The following FGFR3 variants were observed in gnomAD, a reference collection of about 807,000 sequenced individuals.
FGFR3 encodes FGFR-3.
Under a neutral mutation model 82.9 loss-of-function variants are expected in FGFR3, and 25 were observed. The observed-to-expected ratio is 0.30, with a 90% confidence interval of 0.22 to 0.42. The LOEUF (loss-of-function observed/expected upper bound fraction) is 0.42, where lower values mean the gene tolerates loss of function less well. Ranked by LOEUF, FGFR3 falls within the 10% of genes least tolerant of loss-of-function variation. The probability of loss-of-function intolerance (pLI) is 1.00; values close to 1 mark genes in which losing one functional copy is unlikely to be tolerated. For synonymous variants in FGFR3, 620 were observed against 516.0 expected (o/e 1.20, Z -2.73); for missense variants, 1,026 against 1,161.0 (o/e 0.88, Z 1.69).
intron 7 of FGFR3, among the ~76,000 whole-genome samples, chr4:1,802,495 G>A (rs984949585): frequency 3.3e-5 from 5 of 152,218 alleles, no homozygotes; most frequent in Non-Finnish European, 7.3e-5. Flanking sequence ...GCTGCCGGGT[G>A]GGGGCCACTG....
chr4:1,793,520 G>A (rs1311150245), intron 1 of FGFR3, 55 bp downstream of exon 1: 1 of 149,818 alleles, frequency 6.7e-6, no homozygotes, highest in Non-Finnish European at 1.5e-5. Flanking sequence ...GCTCGCGGAG[G>A]GGTCGGGGCG....
chr4:1,803,114 C>A, intron 7 of FGFR3: 3 of 1,489,480 alleles, frequency 2.0e-6, no homozygotes, highest in Non-Finnish European at 1.8e-6. Context: ...AGCTCCAAGG[C>A]CCTGGCCGCG....
Position 1,807,841 on chromosome 4 carries a change from G to A in FGFR3, c.*579G>A, listed in dbSNP as rs1577298829. The A allele has an allele frequency of 2.3e-6, 1 of 437,374 alleles. No homozygotes were observed. The highest frequency in any genetic ancestry group is 4.0e-5 in the East Asian group (1 of 25,036). 27.1% of individuals were successfully genotyped at this position (437,374 alleles called of 1,614,324 possible). Reference sequence around the variant, plus strand: ...GGGAGCCTTTACCTTTTATGCAAAAGGTTTATTCCGGAAACTAGTGTACAT... The same window carrying A: ...GGGAGCCTTTACCTTTTATGCAAAAAGTTTATTCCGGAAACTAGTGTACAT... On this transcript the variant is annotated 3_prime_UTR_variant, in exon 18 of 18. Transcript: ENST00000440486.
intron 7 of FGFR3, among the ~76,000 whole-genome samples, chr4:1,802,515 G>A (rs1280221099): frequency 6.6e-6 from 1 of 152,224 alleles, no homozygotes; most frequent in South Asian, 2.1e-4. Flanking sequence ...GAATTGGGAC[G>A]GTTGCGACAC....
chr4:1,799,224 C>A, intron 2 of FGFR3, 30 bp from the exon 3 acceptor site: 1 of 1,611,530 alleles, frequency 6.2e-7, no homozygotes, highest in African/African-American at 1.3e-5. Context: ...TTGGGGGTGC[C>A]TGCCTCATGG....
Position 1,808,454 on chromosome 4 carries a change from G to C in FGFR3, c.*1192G>C, listed in dbSNP as rs2108824495. 4.3e-6 allele frequency: 1 copy of C among 232,350 alleles called. No individual in the cohort carries two copies. The highest frequency in any genetic ancestry group is 1.8e-4 in the South Asian group (1 of 5,514). The allele number at this position is 232,350 out of a possible 1,614,324, so 14.4% of individuals were successfully genotyped here. A position where few individuals can be genotyped will look rare whatever the true frequency, so the allele number is the denominator to read the frequency against. Reference sequence around the variant, plus strand: ...TTTCATACAAATTCTTCTAATTGCTGTGTGTCCCAGGCAGGGAGACGGTTT... The same window carrying C: ...TTTCATACAAATTCTTCTAATTGCTCTGTGTCCCAGGCAGGGAGACGGTTT... On this transcript the variant is annotated 3_prime_UTR_variant, in exon 18 of 18. Transcript: ENST00000440486.
rs750480041 is a variant in FGFR3, at chr4:1,807,383, CTGTGTG to C, written c.*132_*137del. 16 of 1,223,858 alleles carry C rather than the reference CTGTGTG, an allele frequency of 1.3e-5. No individual in the cohort carries two copies. In the Admixed American group the frequency reaches 2.5e-4, roughly 19 times the overall value. 75.8% of individuals were successfully genotyped at this position (1,223,858 alleles called of 1,614,324 possible). On this transcript the variant is annotated 3_prime_UTR_variant, in exon 18 of 18. Coordinates refer to ENST00000440486, the MANE Select transcript of FGFR3 (RefSeq NM_000142.5). ...AGAGACAGCTACACAGAGCTTTGGT[CTGTGTG>C]TGTGTGTGTGCGTGTGTGTGTGTGT...
chr4:1,805,926 T>G lies in FGFR3; in HGVS notation c.1822T>G (p.Leu608Val), dbSNP rs1721852332. The G allele has an allele frequency of 2.5e-6, 4 of 1,609,668 alleles. No homozygotes were observed. The highest frequency in any genetic ancestry group is 2.5e-6 in the Non-Finnish European group (3 of 1,177,376). Reference protein sequence around the residue: ...AYQVARGMEYLASQKCIHRDL... With the variant: ...AYQVARGMEYVASQKCIHRDL... ...CCAGGTGGCCCGGGGCATGGAGTAC[T>G]TGGCCTCCCAGAAGGTGGGCAGGGC... The change falls in exon 13 of 18, where the codon TTG becomes GTG. Residue 608 changes from leucine (L) to valine (V), a missense_variant. Coordinates refer to ENST00000440486, the MANE Select transcript of FGFR3 (RefSeq NM_000142.5).
At position 1,808,748 on chromosome 4, in the gene FGFR3, C is replaced by T. The variant is rs572485456; in HGVS notation, c.*1486C>T. The T allele has an allele frequency of 3.3e-4, 77 of 232,104 alleles. No homozygotes were observed. Among genetic ancestry groups the T allele is most frequent in the African/African-American group, 1.6e-3 (74 of 45,350 alleles). The allele number at this position is 232,104 out of a possible 1,614,324, so 14.4% of individuals were successfully genotyped here. ...CTTGCTTGCCTGCAGGGCCATGGCT[C>T]AGGGTGGTCTCTTCTTGGGGCCCAG... On this transcript the variant is annotated 3_prime_UTR_variant, in exon 18 of 18. Transcript: ENST00000440486.
chr4:1,803,122 G>A (rs192694191), intron 7 of FGFR3: 38 of 1,464,246 alleles, frequency 2.6e-5, no homozygotes, highest in Admixed American at 5.3e-5. Context: ...GGCCCTGGCC[G>A]CGCGCCCTGC....
rs1049283786 is a variant in FGFR3, at chr4:1,803,123, C to T, written c.931-569C>T. ...AGCTCCAGCTCCAAGGCCCTGGCCG[C>T]GCGCCCTGCACGCCCCGCACGCCCA... On this transcript the variant is annotated intron_variant, in intron 7 of 17. Coordinates refer to ENST00000440486, the MANE Select transcript of FGFR3 (RefSeq NM_000142.5). The T allele has an allele frequency of 3.1e-5, 45 of 1,463,696 alleles. No homozygotes were observed. The African/African-American group carries it at 3.8e-4, about 12-fold the overall frequency. 90.7% of individuals were successfully genotyped at this position (1,463,696 alleles called of 1,614,324 possible). A position where few individuals can be genotyped will look rare whatever the true frequency, so the allele number is the denominator to read the frequency against.
rs1440189215 is a variant in FGFR3 at position 1,807,225 on chromosome 4, C to G, written c.2384C>G (p.Pro795Arg). 6.2e-7 allele frequency: 1 copy of G among 1,608,322 alleles called. No homozygotes were observed. Among genetic ancestry groups the G allele is most frequent in the Non-Finnish European group, 8.5e-7 (1 of 1,178,402 alleles). The change falls in exon 18 of 18, where the codon CCC becomes CGC. Residue 795 changes from proline (P) to arginine (R), a missense_variant. Pro to Arg is a moderately radical substitution (Grantham distance 103). Coordinates refer to ENST00000440486, the MANE Select transcript of FGFR3 (RefSeq NM_000142.5). ...DDSVFAHDLL[P>R]PAPPSSGGSR... is the part of the protein sequence containing the mutation. ...TCCGTGTTTGCCCACGACCTGCTGC[C>G]CCCGGCCCCACCCAGCAGTGGGGGC...
intron 2 of FGFR3, among the ~76,000 whole-genome samples, chr4:1,794,476 C>A (rs976450132): frequency 5.9e-5 from 9 of 152,150 alleles, no homozygotes; most frequent in Non-Finnish European, 1.3e-4. Flanking sequence ...GACCGGACTT[C>A]TAAGGGTGGG....
chr4:1,805,296 G>A (rs950842566), intron 10 of FGFR3, 59 bp from the exon 11 acceptor site: 29 of 1,601,552 alleles, frequency 1.8e-5, no homozygotes, highest in Admixed American at 3.3e-5. Flanking sequence ...GGTGGGGACC[G>A]TGGTGGGCTG....
rs1159207629 is a variant in FGFR3, at chr4:1,808,519, T to C, written c.*1257T>C. ...GCCCTGTGTGCAGGTTCCGATGTTA[T>C]TAGATGTTACAAGTTTATATATATC... On this transcript the variant is annotated 3_prime_UTR_variant, in exon 18 of 18. Transcript: ENST00000440486. The C allele has an allele frequency of 1.3e-5, 3 of 230,722 alleles. No individual in the cohort carries two copies. In the Admixed American group the frequency reaches 1.7e-4, roughly 13 times the overall value. 14.3% of individuals were successfully genotyped at this position (230,722 alleles called of 1,614,324 possible). A position where few individuals can be genotyped will look rare whatever the true frequency, so the allele number is the denominator to read the frequency against.
rs1249605737 is a variant in FGFR3 at position 1,799,777 on chromosome 4, G to A, written c.410G>A (p.Gly137Glu). 1.2e-6 allele frequency: 2 copies of A among 1,613,060 alleles called. No individual in the cohort carries two copies. The highest frequency in any genetic ancestry group is 8.5e-7 in the Non-Finnish European group (1 of 1,179,970). Residue 137 changes from glycine (G) to glutamate (E), a missense_variant, in exon 4 of 18, where the codon GGG becomes GAG. Transcript: ENST00000440486. ...CCATCCTCGGGAGATGACGAAGACG[G>A]GGAGGACGAGGCTGAGGACACAGGT... The part of the protein sequence containing the change: ...DAPSSGDDED[G>E]EDEAEDTGVD...
intron 2 of FGFR3, 45 bp downstream of exon 2, chr4:1,794,088 G>T: frequency 8.4e-7 from 1 of 1,195,348 alleles, no homozygotes; most frequent in East Asian, 3.2e-5. Context: ...GCCCGTGCGG[G>T]CAGAGGCGTT....
At position 1,799,332 on chromosome 4, in the gene FGFR3, C is replaced by A. The variant is rs371729802; in HGVS notation, c.188C>A (p.Pro63Gln). 3 of 1,612,586 alleles carry A rather than the reference C, an allele frequency of 1.9e-6. No homozygotes were observed. The highest frequency in any genetic ancestry group is 2.5e-6 in the Non-Finnish European group (3 of 1,179,898). Reference protein sequence around the residue: ...SGDAVELSCPPPGGGPMGPTV... With the variant: ...SGDAVELSCPQPGGGPMGPTV... Reference sequence around the variant, plus strand: ...GATGCTGTGGAGCTGAGCTGTCCCCCGCCCGGGGGTGGTCCCATGGGGCCC... The same window carrying A: ...GATGCTGTGGAGCTGAGCTGTCCCCAGCCCGGGGGTGGTCCCATGGGGCCC... The change falls in exon 3 of 18, where the codon CCG becomes CAG. Residue 63 changes from proline to glutamine, a missense_variant. Transcript: ENST00000440486.
At chr4:1,804,739 C>A (rs977014027) in intron 9 of FGFR3, 85 bp from the exon 10 acceptor site, 374 of 1,516,732 alleles carry the variant, frequency 2.5e-4, no homozygotes, top group Non-Finnish European at 3.1e-4. Flanking sequence ...GAACGCCCCC[C>A]CTTCTGGCCC....
Sources: gnomAD v4.1 joint callset for allele counts (sites outside exome capture counted in the v4.1 genomes callset) on GRCh38, gnomAD v4.1.1 for gene constraint, MANE v1.5 for transcripts, NCBI Gene and HGNC (gene_info 2026-07-23, HGNC 2026-07-21) for gene names.